SPATA17: variants seen among roughly 807,000 people sequenced by gnomAD.
SPATA17 encodes the protein spermatogenesis associated 17.
Under a neutral mutation model 62.2 loss-of-function variants are expected in SPATA17, and 53 were observed. The ratio of observed to expected loss-of-function variants is 0.85; its 90% CI spans 0.68 to 1.07. The LOEUF (loss-of-function observed/expected upper bound fraction) is 1.07. Among genes scored for constraint, SPATA17 ranks in the 50% least tolerant of loss-of-function variants. The pLI is 0.00. For synonymous variants in SPATA17, 146 were observed against 146.8 expected (o/e 0.99, Z 0.04); for missense variants, 466 against 425.5 (o/e 1.10, Z -0.84).
In SPATA17 at chr1:217,774,355, C is replaced by T. The variant is rs1673535556; in HGVS notation, c.541C>T (p.Pro181Ser). The change falls in exon 7 of 11, where the codon CCC becomes TCC. Residue 181 changes from proline to serine, a missense_variant. Pro to Ser is a moderately conservative substitution (Grantham distance 74). Transcript: ENST00000366933. ...TKQIPGIYNS[P>S]FRKEPDPWEL... ...TTAGATTCCAGGAATATACAATTCA[C>T]CCTTCAGAAAAGAGCCTGATCCATG... 1 of 1,613,602 alleles carries T rather than the reference C, an allele frequency of 6.2e-7. No homozygotes were observed.
rs563994517 is a variant in SPATA17 at position 217,799,403 on chromosome 1, G to A, written c.873-2315G>A. Among the ~76,000 whole-genome samples, 56 of 152,118 alleles carry A rather than the reference G, an allele frequency of 3.7e-4. No individual in the cohort carries two copies. The South Asian group carries it at 7.1e-3, about 19-fold the overall frequency. On this transcript the variant is annotated intron_variant, in intron 8 of 10. Transcript: ENST00000366933. ...GATAAAAACTGTAAGTGCAGCAGCC[G>A]GCTCGCAGCACCTCCTTTGTATACT...
intron 4 of SPATA17, among the ~76,000 whole-genome samples, chr1:217,674,502 G>T (rs1558560975): frequency 6.6e-6 from 1 of 152,282 alleles, no homozygotes; most frequent in Middle Eastern, 3.4e-3. Flanking sequence ...AGGAGAGTGT[G>T]TGTGAGCAAG....
chr1:217,851,054 A>G (rs1039829194), intron 9 of SPATA17, among the ~76,000 whole-genome samples: 1 of 152,194 alleles, frequency 6.6e-6, no homozygotes, highest in Non-Finnish European at 1.5e-5. Context: ...TAAGAACTTA[A>G]TAAATATTTG....
intron 7 of SPATA17, among the ~76,000 whole-genome samples, chr1:217,780,106 A>G (rs1029045354): frequency 6.6e-6 from 1 of 152,124 alleles, no homozygotes; most frequent in Non-Finnish European, 1.5e-5. Context: ...ACACATAGAT[A>G]TATAGATATA....
At position 217,646,990 on chromosome 1, in the gene SPATA17, G is replaced by A. The variant is rs1313382050; in HGVS notation, c.69-1892G>A. Among the ~76,000 whole-genome samples, 5 of 152,160 alleles carry A rather than the reference G, an allele frequency of 3.3e-5. No homozygotes were observed. The East Asian group carries it at 9.6e-4, about 29-fold the overall frequency. On this transcript the variant is annotated intron_variant, in intron 1 of 10. Coordinates refer to ENST00000366933, the MANE Select transcript of SPATA17 (RefSeq NM_138796.4). Reference sequence around the variant, plus strand: ...GCCAGCTGTGACACTTACTAAAGATGTGACCTTGGGCATATGACTATGCTT... The same window carrying A: ...GCCAGCTGTGACACTTACTAAAGATATGACCTTGGGCATATGACTATGCTT...
At chr1:217,818,973 T>G (rs1674792707) in intron 9 of SPATA17, among the ~76,000 whole-genome samples, 1 of 151,406 alleles carries the variant, frequency 6.6e-6, no homozygotes, top group Admixed American at 6.6e-5. Context: ...CTGATATGGT[T>G]TTGTCTTTTT....
At position 217,669,099 on chromosome 1, in the gene SPATA17, C is replaced by A. The variant is rs1386354826; in HGVS notation, c.291+16C>A. The A allele has an allele frequency of 6.2e-7, 1 of 1,604,474 alleles. No homozygotes were observed. Among genetic ancestry groups the A allele is most frequent in the East Asian group, 2.2e-5 (1 of 44,624 alleles). On this transcript the variant is annotated intron_variant, in intron 4 of 10. Transcript: ENST00000366933. ...GGCTGTCAGGGTAAATATTTCTTCA[C>A]TTGTTAAACAAATGAAAAGTCAATT...
At chr1:217,715,745 C>A (rs915558792) in intron 5 of SPATA17, among the ~76,000 whole-genome samples, 1 of 150,836 alleles carries the variant, frequency 6.6e-6, no homozygotes, top group African/African-American at 2.4e-5. Context: ...ATGAGAAATT[C>A]ACTTAGATCT....
intron 6 of SPATA17, among the ~76,000 whole-genome samples, chr1:217,751,793 A>G (rs1672913310): frequency 6.6e-6 from 1 of 152,214 alleles, no homozygotes; most frequent in Non-Finnish European, 1.5e-5. Flanking sequence ...GGCAAGAATA[A>G]ATAAAAATTA....
chr1:217,652,891 A>G (rs1373508114), intron 3 of SPATA17, among the ~76,000 whole-genome samples: 1 of 152,138 alleles, frequency 6.6e-6, no homozygotes, highest in East Asian at 1.9e-4. Flanking sequence ...AAATGAGGAT[A>G]AGAATGTGTG....
Position 217,708,624 on chromosome 1 carries a change from A to G in SPATA17, c.395+25263A>G, listed in dbSNP as rs889568499. Among the ~76,000 whole-genome samples the G allele has an allele frequency of 4.6e-5, 7 of 152,170 alleles. No individual in the cohort carries two copies. The South Asian group carries it at 1.0e-3, about 22-fold the overall frequency. On this transcript the variant is annotated intron_variant, in intron 5 of 10. Transcript: ENST00000366933. ...TTTATTGCCGAATTTGATCAGATGT[A>G]TAAAGAAGAGCTGGTACCATTCCTA...
At position 217,711,836 on chromosome 1, in the gene SPATA17, T is replaced by C. The variant is rs187098514; in HGVS notation, c.395+28475T>C. 1.4e-3 allele frequency among the ~76,000 whole-genome samples: 215 copies of C among 152,286 alleles called. 1 individual carries two copies. The highest frequency in any genetic ancestry group is 3.7e-3 in the African/African-American group (152 of 41,574). On this transcript the variant is annotated intron_variant, in intron 5 of 10. Transcript: ENST00000366933. Reference sequence around the variant, plus strand: ...TCCAAGAAATGTTCAACTAGGCTGATGGGTTGTCCTGAAGCTAAAATTTCC... The same window carrying C: ...TCCAAGAAATGTTCAACTAGGCTGACGGGTTGTCCTGAAGCTAAAATTTCC...
chr1:217,678,290 C>T (rs755145116), intron 4 of SPATA17, among the ~76,000 whole-genome samples: 6 of 148,434 alleles, frequency 4.0e-5, no homozygotes, highest in Non-Finnish European at 7.4e-5. Context: ...CTCTCTGCAA[C>T]CTCCACCTCC....
At position 217,638,331 on chromosome 1, in the gene SPATA17, A is replaced by C. The variant is rs116288913; in HGVS notation, c.68+6885A>C. On this transcript the variant is annotated intron_variant, in intron 1 of 10. Transcript: ENST00000366933. ...GAAAGAAATAAGTGTTTTAATAATA[A>C]AGAATATGTTTCTAAAACCAACAGC... Among the ~76,000 whole-genome samples the C allele has an allele frequency of 1.1e-3, 171 of 152,270 alleles. 1 individual carries two copies. Among genetic ancestry groups the C allele is most frequent in the African/African-American group, 3.4e-3 (143 of 41,576 alleles).
chr1:217,777,682 A>C (rs1375933502), intron 7 of SPATA17, among the ~76,000 whole-genome samples: 1 of 152,112 alleles, frequency 6.6e-6, no homozygotes, highest in African/African-American at 2.4e-5. Flanking sequence ...GATTACAGGA[A>C]TAAGCCATCA....
At chr1:217,782,582 T>C (rs1390051985) in intron 8 of SPATA17, among the ~76,000 whole-genome samples, 1 of 152,226 alleles carries the variant, frequency 6.6e-6, no homozygotes, top group Non-Finnish European at 1.5e-5. Context: ...TCTATGTATC[T>C]GTGAAGATAA....
At chr1:217,683,394 A>G (rs779727255) in intron 5 of SPATA17, 33 bp downstream of exon 5, 1 of 1,384,082 alleles carries the variant, frequency 7.2e-7, no homozygotes, top group African/African-American at 1.4e-5. Flanking sequence ...CACTAGGGAA[A>G]ACTTTGGAAA....
intron 9 of SPATA17, among the ~76,000 whole-genome samples, chr1:217,833,732 T>G (rs751707651): frequency 1.3e-5 from 2 of 152,168 alleles, no homozygotes; most frequent in Non-Finnish European, 2.9e-5. Context: ...ATAGATAGAT[T>G]TTGACATCTG....
At chr1:217,773,963 T>C (rs909250718) in intron 6 of SPATA17, among the ~76,000 whole-genome samples, 1 of 152,156 alleles carries the variant, frequency 6.6e-6, no homozygotes, top group East Asian at 1.9e-4. Flanking sequence ...ATGTATGACT[T>C]ACACGTATAG....
Sources: allele counts gnomAD v4.1 joint callset (sites outside exome capture counted in the v4.1 genomes callset), GRCh38; gene constraint gnomAD v4.1.1; transcripts MANE v1.5; gene names NCBI Gene and HGNC (gene_info 2026-07-23, HGNC 2026-07-21).